EPDR1: variants seen among roughly 807,000 people sequenced by gnomAD.
EPDR1 encodes ependymin related 1.
EPDR1 carries 27 observed loss-of-function variants against 23.7 expected under a neutral mutation model. The observed-to-expected ratio is 1.14, with a 90% CI of 0.84 to 1.57. EPDR1 has a LOEUF of 1.57. Among genes scored for constraint, EPDR1 ranks in the 40% most tolerant of loss-of-function variants. The pLI is 0.00. For synonymous variants in EPDR1, 137 were observed against 118.2 expected (o/e 1.16, Z -1.03); for missense variants, 349 against 290.4 (o/e 1.20, Z -1.47).
At chr7:37,938,276 C>T (rs1299041942) in intron 1 of EPDR1, among the ~76,000 whole-genome samples, 4 of 152,056 alleles carry the variant, frequency 2.6e-5, no homozygotes, top group African/African-American at 9.7e-5. Context: ...AGGCTTGAGC[C>T]ACCACACCCA....
chr7:37,944,357 C>G, intron 1 of EPDR1, among the ~76,000 whole-genome samples: 1 of 152,256 alleles, frequency 6.6e-6, no homozygotes, highest in Middle Eastern at 3.4e-3. Context: ...TGACACAGGT[C>G]GAGATGAAAG....
chr7:37,929,236 A>G (rs959037073), intron 1 of EPDR1, among the ~76,000 whole-genome samples: 1 of 152,190 alleles, frequency 6.6e-6, no homozygotes, highest in Admixed American at 6.5e-5. Context: ...ACTATCTGGC[A>G]GAGTGTTTAA....
chr7:37,931,930 G>T (rs1375951890), intron 1 of EPDR1, among the ~76,000 whole-genome samples: 1 of 152,050 alleles, frequency 6.6e-6, no homozygotes, highest in Admixed American at 6.6e-5. Context: ...GGATGGTCTC[G>T]ATCTCCTGAC....
intron 1 of EPDR1, 76 bp downstream of exon 1, chr7:37,921,284 G>A: frequency 6.7e-7 from 1 of 1,494,996 alleles, no homozygotes; most frequent in Admixed American, 2.3e-5. Flanking sequence ...AGAGGCCTGC[G>A]CCCTGTAACT....
chr7:37,939,743 AG>A (rs1206805472), intron 1 of EPDR1, among the ~76,000 whole-genome samples: 4 of 152,236 alleles, frequency 2.6e-5, no homozygotes, highest in Non-Finnish European at 5.9e-5. Context: ...AAAACCTAGT[AG>A]TCAGATACCA....
rs1361436389 is a variant in EPDR1, at chr7:37,950,897, C to T, written c.*501C>T. On this transcript the variant is annotated 3_prime_UTR_variant, in exon 3 of 3. Transcript: ENST00000199448. ...GGCATTGCTCCCACTGAGCCCTACT[C>T]CACCCTGTCCCTGCACTCCCTTGGT... 6.6e-6 allele frequency: 1 copy of T among 152,580 alleles called. No homozygotes were observed. Among genetic ancestry groups the T allele is most frequent in the East Asian group, 1.9e-4 (1 of 5,196 alleles). 9.5% of individuals were successfully genotyped at this position (152,580 alleles called of 1,614,324 possible).
chr7:37,950,309 G>A lies in EPDR1; in HGVS notation c.588G>A (p.Leu196=), dbSNP rs141617612. 49 of 1,613,904 alleles carry A rather than the reference G, an allele frequency of 3.0e-5. No homozygotes were observed. The African/African-American group carries it at 6.1e-4, about 20-fold the overall frequency. ...ILSTRFFDIQ[L]GIKDPSVFTP... Reference sequence around the variant, plus strand: ...CTACGCGGTTTTTTGACATCCAGCTGGGTATTAAAGACCCCTCGGTGTTTA... The same window carrying A: ...CTACGCGGTTTTTTGACATCCAGCTAGGTATTAAAGACCCCTCGGTGTTTA... Residue 196 remains leucine (L), a synonymous_variant, in exon 3 of 3, where the codon CTG becomes CTA. Transcript: ENST00000199448.
chr7:37,939,947 T>A (rs1786137236), intron 1 of EPDR1, among the ~76,000 whole-genome samples: 1 of 152,214 alleles, frequency 6.6e-6, no homozygotes, highest in South Asian at 2.1e-4. Context: ...CCACATCTAA[T>A]AATTTACCCT....
At chr7:37,926,783 T>A (rs1337688378) in intron 1 of EPDR1, 1 of 432,474 alleles carries the variant, frequency 2.3e-6, no homozygotes, top group African/African-American at 2.0e-5. Context: ...CACTGTGAAA[T>A]GATACATTTT....
chr7:37,950,022 A>AGTT (rs1786365301), intron 2 of EPDR1, among the ~76,000 whole-genome samples, 178 bp from the exon 3 acceptor site: 1 of 152,184 alleles, frequency 6.6e-6, no homozygotes, highest in Admixed American at 6.5e-5. Context: ...AAGATGAAAA[A>AGTT]AGTTCTGGAG....
At chr7:37,929,456 AT>A (rs1785886655) in intron 1 of EPDR1, among the ~76,000 whole-genome samples, 1 of 152,162 alleles carries the variant, frequency 6.6e-6, no homozygotes, top group South Asian at 2.1e-4. Context: ...CCCAAGCTCC[AT>A]TTTCTAACTG....
At chr7:37,929,024 C>T (rs1174623394) in intron 1 of EPDR1, among the ~76,000 whole-genome samples, 1 of 152,148 alleles carries the variant, frequency 6.6e-6, no homozygotes, top group Admixed American at 6.5e-5. Flanking sequence ...TTTTCCCTAC[C>T]TTATCTCTGT....
chr7:37,932,325 T>C (rs1312974146), intron 1 of EPDR1, among the ~76,000 whole-genome samples: 1 of 152,156 alleles, frequency 6.6e-6, no homozygotes, highest in Non-Finnish European at 1.5e-5. Flanking sequence ...TATTTAGAGA[T>C]GACATCTCAC....
intron 1 of EPDR1, among the ~76,000 whole-genome samples, chr7:37,931,514 A>C (rs542493030): frequency 1.4e-5 from 2 of 147,816 alleles, no homozygotes; most frequent in Non-Finnish European, 3.0e-5. Flanking sequence ...ACTCCATAAA[A>C]AAATAAATAA....
Position 37,924,466 on chromosome 7 carries a change from T to C in EPDR1, c.269+3258T>C, listed in dbSNP as rs528263554. Among the ~76,000 whole-genome samples the C allele has an allele frequency of 2.6e-4, 40 of 152,330 alleles. No homozygotes were observed. The East Asian group carries it at 3.3e-3, about 12-fold the overall frequency. ...CCTTGGTGAGTACTGCTCAAGTCTG[T>C]CTGAGCAACCCTTCTTCCATGACTC... On this transcript the variant is annotated intron_variant, in intron 1 of 2. Transcript: ENST00000199448.
chr7:37,930,091 A>G (rs1200560989), intron 1 of EPDR1, among the ~76,000 whole-genome samples: 5 of 152,168 alleles, frequency 3.3e-5, no homozygotes, highest in African/African-American at 1.2e-4. Context: ...GAGGAAAAGG[A>G]TATACATGCC....
At chr7:37,936,039 T>C (rs13237498) in intron 1 of EPDR1, among the ~76,000 whole-genome samples, 25,111 of 80,758 alleles carry the variant, frequency 0.31, 5,805 homozygotes, top group African/African-American at 0.41. Context: ...TATATATATA[T>C]ACACAAGGGA....
At chr7:37,936,491 T>TAA (rs1786056302) in intron 1 of EPDR1, among the ~76,000 whole-genome samples, 1 of 152,080 alleles carries the variant, frequency 6.6e-6, no homozygotes, top group Non-Finnish European at 1.5e-5. Context: ...GAAGACAAAG[T>TAA]AATTAGTGGT....
At position 37,921,238 on chromosome 7, in the gene EPDR1, T is replaced by G. The variant is rs758959485; in HGVS notation, c.269+30T>G. 3 of 1,554,830 alleles carry G rather than the reference T, an allele frequency of 1.9e-6. 1 individual carries two copies. The South Asian group carries it at 3.5e-5, about 18-fold the overall frequency. On this transcript the variant is annotated intron_variant, in intron 1 of 2. Transcript: ENST00000199448. ...AGGTCATCGGCCCGCGGGGCGGGAG[T>G]AGGGAGCCGCGCGGGCATGGGGAGG...
Sources: allele counts gnomAD v4.1 joint callset (sites outside exome capture counted in the v4.1 genomes callset), GRCh38; gene constraint gnomAD v4.1.1; transcripts MANE v1.5; gene names NCBI Gene and HGNC (gene_info 2026-07-23, HGNC 2026-07-21).